Variants in ZNF283 observed in about 807,000 individuals in gnomAD.
ZNF283 encodes the protein zinc finger protein 283.
In ZNF283, 10 loss-of-function variants were observed where a neutral mutation model predicts 9.2. The observed-to-expected ratio is 1.09, with a 90% CI of 0.67 to 1.85. The LOEUF (loss-of-function observed/expected upper bound fraction) is 1.85. ZNF283 is among the 40% of genes most tolerant of loss of function. ZNF283 has a pLI of 0.00. For missense variants in ZNF283, 631 were observed against 760.1 expected, an observed-to-expected ratio of 0.83 and a Z score of 2.00; for synonymous variants, 234 against 244.1, an observed-to-expected ratio of 0.96 and a Z score of 0.38.
intron 2 of ZNF283, among the ~76,000 whole-genome samples, chr19:43,828,951 T>C (rs1460912248): frequency 6.6e-6 from 1 of 152,204 alleles, no homozygotes; most frequent in African/African-American, 2.4e-5. Flanking sequence ...GCTTTGAACA[T>C]AGGGATTTGT....
chr19:43,841,322 A>G (rs1263496381), intron 6 of ZNF283: 1 of 152,168 alleles, frequency 6.6e-6, no homozygotes, highest in African/African-American at 2.4e-5. Context: ...AATTAATAAC[A>G]TACTACTTTG....
intron 3 of ZNF283, among the ~76,000 whole-genome samples, chr19:43,833,096 GA>G (rs1240393584): frequency 3.3e-5 from 5 of 151,520 alleles, no homozygotes; most frequent in Non-Finnish European, 7.4e-5. Flanking sequence ...ATTTTGTATG[GA>G]TTTCTTACTT....
intron 6 of ZNF283, among the ~76,000 whole-genome samples, chr19:43,842,434 A>T (rs1971249006): frequency 6.6e-6 from 1 of 151,992 alleles, no homozygotes. Context: ...TGTAGATGCC[A>T]TGTTGTAGTG....
In ZNF283 at chr19:43,847,845, G is replaced by C. The variant is rs750726707; in HGVS notation, c.1244G>C (p.Gly415Ala). 75 of 1,613,536 alleles carry C rather than the reference G, an allele frequency of 4.6e-5. No individual in the cohort carries two copies. In the South Asian group the frequency reaches 7.4e-4, roughly 16 times the overall value. The change falls in exon 7 of 7, where the codon GGA (glycine) becomes GCA (alanine). Residue 415 changes from glycine to alanine, a missense_variant. Physicochemically the swap from Gly to Ala is moderately conservative, Grantham distance 60. This residue lies in a region of ZNF283 where 444 missense variants were observed against 522.5 expected (regional missense o/e 0.85). Transcript: ENST00000618787. ...CKECGKAFNC[G>A]SSLIQHERIH... is the part of the protein sequence containing the mutation. ...GAATGTGGGAAGGCTTTTAATTGCG[G>C]ATCAAGTCTTATTCAACATGAAAGA...
In ZNF283 at chr19:43,847,227, G is replaced by T; in HGVS notation, c.626G>T (p.Cys209Phe). The T allele has an allele frequency of 6.2e-7, 1 of 1,613,920 alleles. No homozygotes were observed. Reference protein sequence around the residue: ...RIHNTEKSYVCKECGKACSHG... With the variant: ...RIHNTEKSYVFKECGKACSHG... Reference sequence around the variant, plus strand: ...CATAATACAGAGAAATCCTATGTTTGTAAGGAATGTGGGAAGGCTTGCAGT... The same window carrying T: ...CATAATACAGAGAAATCCTATGTTTTTAAGGAATGTGGGAAGGCTTGCAGT... The change falls in exon 7 of 7, where the codon TGT (cysteine) becomes TTT (phenylalanine). Residue 209 changes from cysteine (C) to phenylalanine (F), a missense_variant. Cys to Phe is a radical substitution (Grantham distance 205). Coordinates refer to ENST00000618787, the MANE Select transcript of ZNF283 (RefSeq NM_181845.2).
chr19:43,848,094 G>A lies in ZNF283; in HGVS notation c.1493G>A (p.Ser498Asn). The A allele has an allele frequency of 6.2e-7, 1 of 1,613,276 alleles. No homozygotes were observed. The highest frequency in any genetic ancestry group is 8.5e-7 in the Non-Finnish European group (1 of 1,179,774). The stretch of plus-strand genomic sequence containing the variant: ...AAAGAATGCGGAAAGACCTTTTGTA[G>A]TGGGTATCAACTTACTCGACATCAG... ...ECKECGKTFC[S>N]GYQLTRHQVF... Residue 498 changes from serine to asparagine, a missense_variant, in exon 7 of 7, where the codon AGT becomes AAT. Around this residue, in one of 3 missense-constraint regions of ZNF283, gnomAD observed 444 missense variants for 522.5 expected, o/e 0.85. Transcript: ENST00000618787.
Position 43,847,117 on chromosome 19 carries a change from G to A in ZNF283, c.516G>A (p.Glu172=), listed in dbSNP as rs997416064. 1 of 1,613,286 alleles carries A rather than the reference G, an allele frequency of 6.2e-7. No individual in the cohort carries two copies. Among genetic ancestry groups the A allele is most frequent in the Non-Finnish European group, 8.5e-7 (1 of 1,179,600 alleles). Residue 172 remains glutamate, a synonymous_variant, in exon 7 of 7, where the codon GAG becomes GAA. Coordinates refer to ENST00000618787, the MANE Select transcript of ZNF283 (RefSeq NM_181845.2). The part of the protein sequence containing the change: ...SIFEGLKGHQ[E]GYFSQMIISY... ...TCGAGGGACTAAAAGGACATCAAGA[G>A]GGATACTTCAGTCAAATGATAATCA...
rs368640688 is a variant in ZNF283 at position 43,833,029 on chromosome 19, GAA to G, written c.1-456_1-455del. On this transcript the variant is annotated intron_variant, in intron 3 of 6. Transcript: ENST00000618787. ...GGCAACAGAGCAAGACCCTGTCTCT[GAA>G]AAAAAAAAAAAAAAAAAAAGACAAC... is the stretch of plus-strand genomic sequence containing the variant. Among the ~76,000 whole-genome samples the G allele has an allele frequency of 9.4e-3, 715 of 76,470 alleles. 1 individual carries two copies. Among genetic ancestry groups the G allele is most frequent in the African/African-American group, 0.031 (616 of 20,156 alleles). The allele number at this position is 76,470 out of a possible 152,430, so 50.2% of individuals were successfully genotyped here.
intron 6 of ZNF283, among the ~76,000 whole-genome samples, chr19:43,843,391 A>G (rs1046380788): frequency 6.6e-6 from 1 of 152,152 alleles, no homozygotes; most frequent in Non-Finnish European, 1.5e-5. Context: ...ACAAAACACC[A>G]TATTTTTCAC....
Position 43,848,253 on chromosome 19 carries a change from C to T in ZNF283, c.1652C>T (p.Ala551Val). The change falls in exon 7 of 7, where the codon GCT (alanine) becomes GTT (valine). Residue 551 changes from alanine to valine, a missense_variant. Physicochemically the swap from Ala to Val is moderately conservative, Grantham distance 64. Coordinates refer to ENST00000618787, the MANE Select transcript of ZNF283 (RefSeq NM_181845.2). ...TATGAATGTAAAGAATGTGGGAAGG[C>T]TTTTAGTCGTGGCTATCACCTTACT... ...KPYECKECGKAFSRGYHLTQH... is the reference protein window; with the variant it reads ...KPYECKECGKVFSRGYHLTQH... 6.2e-7 allele frequency: 1 copy of T among 1,613,682 alleles called. No individual in the cohort carries two copies.
At chr19:43,844,821 A>G (rs532683003) in intron 6 of ZNF283, among the ~76,000 whole-genome samples, 1 of 152,286 alleles carries the variant, frequency 6.6e-6, no homozygotes, top group South Asian at 2.1e-4. Flanking sequence ...TTAAGGCTCA[A>G]TGGCTCTGGT....
intron 6 of ZNF283, among the ~76,000 whole-genome samples, chr19:43,843,016 C>T (rs1193780966): frequency 6.6e-6 from 1 of 152,024 alleles, no homozygotes; most frequent in Non-Finnish European, 1.5e-5. Flanking sequence ...ATGATGGTTG[C>T]CTTGAAGAAA....
At position 43,828,191 on chromosome 19, in the gene ZNF283, T is replaced by C. The variant is rs2146523230; in HGVS notation, c.-144-11T>C. 6.6e-6 allele frequency: 1 copy of C among 152,258 alleles called. No homozygotes were observed. The highest frequency in any genetic ancestry group is 2.1e-4 in the South Asian group (1 of 4,818). The allele number at this position is 152,258 out of a possible 1,614,324, so 9.4% of individuals were successfully genotyped here. A position where few individuals can be genotyped will look rare whatever the true frequency, so the allele number is the denominator to read the frequency against. On this transcript the variant is annotated splice_polypyrimidine_tract_variant and intron_variant, in intron 1 of 6. Transcript: ENST00000618787. ...AATGCTGATGTCTCATGTTACTGTT[T>C]TTTCCCCCAGTGCTGCCAGGTTGCC...
chr19:43,839,946 G>A (rs931926229), intron 6 of ZNF283, among the ~76,000 whole-genome samples: 9 of 151,890 alleles, frequency 5.9e-5, no homozygotes, highest in South Asian at 2.1e-4. Context: ...TCCTTTGAAC[G>A]GGCCCCATAT....
In ZNF283 at chr19:43,848,797, G is replaced by A. The variant is rs1971532904; in HGVS notation, c.*156G>A. On this transcript the variant is annotated 3_prime_UTR_variant, in exon 7 of 7. Coordinates refer to ENST00000618787, the MANE Select transcript of ZNF283 (RefSeq NM_181845.2). ...TCTTGCTATCCAGCAATTCATACTA[G>A]TGAGAAATATTTTGAATATAATTAA... is the stretch of plus-strand genomic sequence containing the variant. 4 of 639,554 alleles carry A rather than the reference G, an allele frequency of 6.3e-6. No homozygotes were observed. In the Admixed American group the frequency reaches 1.0e-4, roughly 16 times the overall value. The allele number at this position is 639,554 out of a possible 1,614,324, so 39.6% of individuals were successfully genotyped here. A position where few individuals can be genotyped will look rare whatever the true frequency, so the allele number is the denominator to read the frequency against.
chr19:43,831,749 G>A (rs921317589), intron 3 of ZNF283, among the ~76,000 whole-genome samples: 3 of 151,962 alleles, frequency 2.0e-5, no homozygotes, highest in Non-Finnish European at 2.9e-5. Flanking sequence ...CCACCTCAGA[G>A]GGAAGGTAGC....
chr19:43,830,178 G>A (rs747824009), intron 2 of ZNF283, among the ~76,000 whole-genome samples: 13 of 152,240 alleles, frequency 8.5e-5, no homozygotes, highest in African/African-American at 2.9e-4. Flanking sequence ...AGGCTCAAGC[G>A]ATCCTCCCAC....
Position 43,848,636 on chromosome 19 carries a change from T to C in ZNF283, c.2035T>C (p.Leu679=). ...SNEKIDTDET[L] ...TGAGAAAATTGATACTGATGAAACC[T>C]TATGATTGAAAGTTGTAAAAGAATA... Residue 679 remains leucine (L), a synonymous_variant, in exon 7 of 7, where the codon TTA becomes CTA. Transcript: ENST00000618787. 1 of 1,542,354 alleles carries C rather than the reference T, an allele frequency of 6.5e-7. No homozygotes were observed. Among genetic ancestry groups the C allele is most frequent in the Non-Finnish European group, 8.7e-7 (1 of 1,144,296 alleles).
At chr19:43,833,796 C>T (rs1326478669) in intron 4 of ZNF283, 170 bp downstream of exon 4, 1 of 152,302 alleles carries the variant, frequency 6.6e-6, no homozygotes, top group Non-Finnish European at 1.5e-5. Context: ...TTACCTATTT[C>T]TTAAGGATAC....
Sources: gnomAD v4.1 joint callset for allele counts (sites outside exome capture counted in the v4.1 genomes callset) on GRCh38, gnomAD v4.1.1 for gene constraint, gnomAD v4.1.1 regional missense constraint, MANE v1.5 for transcripts, NCBI Gene and HGNC (gene_info 2026-07-23, HGNC 2026-07-21) for gene names.